Variants in ZMAT4 observed in about 807,000 individuals in gnomAD.
ZMAT4 encodes zinc finger matrin-type 4.
A neutral mutation model predicts 28.7 loss-of-function variants in ZMAT4; 17 were observed. That is an observed-to-expected ratio of 0.59 (90% CI 0.41 to 0.89). ZMAT4 has a LOEUF of 0.89. ZMAT4 is among the 40% of genes least tolerant of loss of function. ZMAT4 has a pLI of 0.00. For synonymous variants in ZMAT4, 117 were observed against 109.2 expected, an observed-to-expected ratio of 1.07 and a Z score of -0.44; for missense variants, 240 against 283.8, an observed-to-expected ratio of 0.85 and a Z score of 1.11.
intron 1 of ZMAT4, among the ~76,000 whole-genome samples, chr8:40,830,790 G>A (rs1165295058): frequency 6.6e-6 from 1 of 152,170 alleles, no homozygotes; most frequent in Non-Finnish European, 1.5e-5. Flanking sequence ...GCTCTTCAGA[G>A]GGAAAGACAT....
intron 2 of ZMAT4, chr8:40,786,704 C>G (rs77401293): frequency 0.036 from 46,168 of 1,288,908 alleles, 999 homozygotes; most frequent in South Asian, 0.045. Context: ...AGAATTCACA[C>G]AGCCACCTTC....
chr8:40,545,671 A>G (rs1803178116), intron 6 of ZMAT4, among the ~76,000 whole-genome samples: 1 of 152,160 alleles, frequency 6.6e-6, no homozygotes, highest in Non-Finnish European at 1.5e-5. Flanking sequence ...AGAAGTCAGG[A>G]GAAAGGCCTC....
chr8:40,627,653 T>C (rs1206868131), intron 5 of ZMAT4, among the ~76,000 whole-genome samples: 3 of 152,230 alleles, frequency 2.0e-5, no homozygotes, highest in African/African-American at 7.2e-5. Context: ...GCCTGTGAGA[T>C]TTAAATACTT....
intron 2 of ZMAT4, among the ~76,000 whole-genome samples, chr8:40,784,904 T>G (rs1251878566): frequency 6.6e-6 from 1 of 152,218 alleles, no homozygotes; most frequent in Non-Finnish European, 1.5e-5. Context: ...AAACATATTA[T>G]GAACTTTTAA....
intron 3 of ZMAT4, among the ~76,000 whole-genome samples, chr8:40,728,925 G>T (rs1053501090): frequency 2.0e-5 from 3 of 152,052 alleles, no homozygotes; most frequent in African/African-American, 4.8e-5. Flanking sequence ...GACTTCATAC[G>T]AATCGAATTA....
intron 3 of ZMAT4, among the ~76,000 whole-genome samples, chr8:40,721,559 T>C (rs13276032): frequency 0.98 from 119,230 of 121,530 alleles, 58,555 homozygotes; most frequent in East Asian, 1. Flanking sequence ...GCCACACTGA[T>C]TTCCACAATG....
chr8:40,615,517 G>C (rs958218360), intron 5 of ZMAT4, among the ~76,000 whole-genome samples: 3 of 152,222 alleles, frequency 2.0e-5, no homozygotes, highest in Admixed American at 6.5e-5. Context: ...ATCCTGCAGA[G>C]TGTTTTCCAA....
chr8:40,575,395 C>T (rs1040697496), intron 6 of ZMAT4, among the ~76,000 whole-genome samples: 14 of 152,036 alleles, frequency 9.2e-5, no homozygotes, highest in African/African-American at 3.1e-4. Context: ...AAAGCTTCAT[C>T]CCAAGAGAAT....
chr8:40,629,006 T>C (rs1188546171), intron 5 of ZMAT4, among the ~76,000 whole-genome samples: 1 of 59,036 alleles, frequency 1.7e-5, no homozygotes, highest in African/African-American at 3.8e-5. Flanking sequence ...AGCTTTCTTT[T>C]CTTTTTTTTT....
intron 3 of ZMAT4, among the ~76,000 whole-genome samples, chr8:40,729,729 A>G (rs894295076): frequency 2.6e-5 from 4 of 151,782 alleles, no homozygotes; most frequent in Non-Finnish European, 4.4e-5. Flanking sequence ...CTCCTGAGTA[A>G]CTGAGACTAC....
At chr8:40,703,027 A>ACATATATT (rs1563422530) in intron 3 of ZMAT4, among the ~76,000 whole-genome samples, 1 of 151,998 alleles carries the variant, frequency 6.6e-6, no homozygotes, top group East Asian at 1.9e-4. Context: ...ATATATATAT[A>ACATATATT]TTCAATAAGG....
At chr8:40,850,299 C>T (rs1817055508) in intron 1 of ZMAT4, among the ~76,000 whole-genome samples, 2 of 152,148 alleles carry the variant, frequency 1.3e-5, no homozygotes, top group Non-Finnish European at 2.9e-5. Flanking sequence ...GCTAGCCTCC[C>T]CCGCCACTCA....
chr8:40,641,992 T>G (rs879358894), intron 5 of ZMAT4, among the ~76,000 whole-genome samples: 19 of 152,174 alleles, frequency 1.2e-4, no homozygotes, highest in Non-Finnish European at 2.1e-4. Flanking sequence ...AAAATGGCCT[T>G]ATACTCTTTA....
At chr8:40,668,094 C>T (rs1270208777) in intron 5 of ZMAT4, among the ~76,000 whole-genome samples, 1 of 152,048 alleles carries the variant, frequency 6.6e-6, no homozygotes, top group African/African-American at 2.4e-5. Context: ...AAGTTAATGC[C>T]AGCAAGGGAA....
At chr8:40,854,938 C>T (rs1586173093) in intron 1 of ZMAT4, among the ~76,000 whole-genome samples, 1 of 152,240 alleles carries the variant, frequency 6.6e-6, no homozygotes, top group African/African-American at 2.4e-5. Context: ...TTCACACACA[C>T]ACACACACGC....
chr8:40,609,775 A>G (rs918127040), intron 5 of ZMAT4, among the ~76,000 whole-genome samples: 2 of 152,046 alleles, frequency 1.3e-5, no homozygotes, highest in African/African-American at 4.8e-5. Flanking sequence ...GTAAATTCTT[A>G]TAGCTTTGAA....
intron 2 of ZMAT4, chr8:40,808,395 A>G: frequency 6.4e-6 from 2 of 313,370 alleles, no homozygotes; most frequent in Non-Finnish European, 6.3e-6. Context: ...TTGGAAAAAA[A>G]AAAGACAGCA....
At chr8:40,833,532 C>T (rs1396590516) in intron 1 of ZMAT4, among the ~76,000 whole-genome samples, 5 of 101,138 alleles carry the variant, frequency 4.9e-5, no homozygotes, top group African/African-American at 1.1e-4. Flanking sequence ...CATACCACTA[C>T]ACTCCAGCAA....
At chr8:40,571,939 G>T (rs1000567690) in intron 6 of ZMAT4, among the ~76,000 whole-genome samples, 1 of 151,928 alleles carries the variant, frequency 6.6e-6, no homozygotes, top group Non-Finnish European at 1.5e-5. Context: ...TTGGTTATTG[G>T]GTTTCTTGGT....
Sources: gnomAD v4.1 joint callset for allele counts (sites outside exome capture counted in the v4.1 genomes callset) on GRCh38, gnomAD v4.1.1 for gene constraint, MANE v1.5 for transcripts, NCBI Gene and HGNC (gene_info 2026-07-23, HGNC 2026-07-21) for gene names.